GRM2: variants seen among roughly 807,000 people sequenced by gnomAD.
GRM2 encodes metabotropic glutamate receptor 2.
Under a neutral mutation model 60.4 loss-of-function variants are expected in GRM2, and 35 were observed. The observed-to-expected ratio is 0.58, with a 90% CI of 0.44 to 0.77. The LOEUF (loss-of-function observed/expected upper bound fraction) is 0.77, where lower values mean the gene tolerates loss of function less well. GRM2 is among the 30% of genes least tolerant of loss of function. The probability of loss-of-function intolerance (pLI) is 0.00; values close to 1 mark genes in which losing one functional copy is unlikely to be tolerated. For missense variants in GRM2, 925 were observed against 1,199.5 expected (o/e 0.77, Z 3.38); for synonymous variants, 437 against 484.1 (o/e 0.90, Z 1.28).
Position 51,716,159 on chromosome 3 carries a change from TC to T in GRM2, c.2364+23del. 2.0e-6 allele frequency: 3 copies of T among 1,489,702 alleles called. No individual in the cohort carries two copies. The highest frequency in any genetic ancestry group is 2.8e-6 in the Non-Finnish European group (3 of 1,067,402). The allele number at this position is 1,489,702 out of a possible 1,614,324, so 92.3% of individuals were successfully genotyped here. A position where few individuals can be genotyped will look rare whatever the true frequency, so the allele number is the denominator to read the frequency against. On this transcript the variant is annotated intron_variant, in intron 4 of 5. Transcript: ENST00000395052. The surrounding 1 kb of genome is among the most constrained non-coding windows in gnomAD (Gnocchi z 4.0). ...CCGGGTGAGCTACCTGCCACAGAGG[TC>T]GGGGGAGATGGGACACCAGACCCTC...
In GRM2 at chr3:51,717,070, A is replaced by G. The variant is rs144383184; in HGVS notation, c.2365-567A>G. Among the ~76,000 whole-genome samples, 19 of 152,110 alleles carry G rather than the reference A, an allele frequency of 1.2e-4. No homozygotes were observed. The highest frequency in any genetic ancestry group is 4.6e-4 in the African/African-American group (19 of 41,470). On this transcript the variant is annotated intron_variant, in intron 4 of 5. Coordinates refer to ENST00000395052, the MANE Select transcript of GRM2 (RefSeq NM_000839.5). The surrounding 1 kb of genome is among the most constrained non-coding windows in gnomAD (Gnocchi z 6.0). ...TATGATTTGCATTTGCATGCCAATCACAGGCAGCTAAGGACTCACCTGAGA... is the reference window on the plus strand; with the variant it reads ...TATGATTTGCATTTGCATGCCAATCGCAGGCAGCTAAGGACTCACCTGAGA...
Position 51,715,520 on chromosome 3 carries a change from C to G in GRM2, c.1747C>G (p.Leu583Val), listed in dbSNP as rs771740410. The G allele has an allele frequency of 6.2e-7, 1 of 1,613,514 alleles. No individual in the cohort carries two copies. ...TIACLGALAT[L>V]FVLGVFVRHN... is the part of the protein sequence containing the mutation. ...CGCCTGCCTCGGTGCCCTGGCCACC[C>G]TCTTTGTGCTGGGTGTCTTTGTGCG... The change falls in exon 4 of 6, where the codon CTC becomes GTC. Residue 583 changes from leucine to valine, a missense_variant. By Grantham distance (32) the Leu-to-Val change is conservative. Transcript: ENST00000395052. The surrounding 1 kb of genome is among the most constrained non-coding windows in gnomAD (Gnocchi z 9.0).
chr3:51,717,851 C>T lies in GRM2; in HGVS notation c.2545+34C>T. 1.3e-6 allele frequency: 2 copies of T among 1,594,634 alleles called. No individual in the cohort carries two copies. The highest frequency in any genetic ancestry group is 2.2e-5 in the South Asian group (2 of 90,468). On this transcript the variant is annotated intron_variant, in intron 5 of 5. Coordinates refer to ENST00000395052, the MANE Select transcript of GRM2 (RefSeq NM_000839.5). The surrounding 1 kb of genome is among the most constrained non-coding windows in gnomAD (Gnocchi z 6.0). The stretch of plus-strand genomic sequence containing the variant: ...CCTAAGCAGCCCTCTCTGCCTGTTC[C>T]CCTCTCCCTGTCCAGCTCCTTGGGT...
chr3:51,717,906 G>GC lies in GRM2; in HGVS notation c.2545+95dup, dbSNP rs1169332169. On this transcript the variant is annotated intron_variant, in intron 5 of 5. Transcript: ENST00000395052. This position sits in a 1 kb window ranked among gnomAD's most constrained non-coding sequence, Gnocchi z 6.0. ...GAGATCTCTTGTCTGGGGGTGAGGT[G>GC]CCCCCCAAATGACACTGGCAGGAGA... The GC allele has an allele frequency of 5.7e-5, 82 of 1,444,640 alleles. No homozygotes were observed. The highest frequency in any genetic ancestry group is 1.8e-4 in the Middle Eastern group (1 of 5,578). 89.5% of individuals were successfully genotyped at this position (1,444,640 alleles called of 1,614,324 possible).
At chr3:51,711,108 C>T (rs960265298) in intron 2 of GRM2, among the ~76,000 whole-genome samples, 1 of 152,210 alleles carries the variant, frequency 6.6e-6, no homozygotes, top group African/African-American at 2.4e-5. Flanking sequence ...GTCGGGGAGG[C>T]CTGGCCACTC....
In GRM2 at chr3:51,715,211, C is replaced by T; in HGVS notation, c.1438C>T (p.Leu480=). ...KVGYWAEGLT[L]DTSLIPWASP... is the part of the protein sequence containing the mutation. ...GGGCTACTGGGCAGAAGGCTTGACT[C>T]TGGACACCAGCCTCATCCCATGGGC... The change falls in exon 4 of 6, where the codon CTG becomes TTG. Residue 480 remains leucine (L), a synonymous_variant. Coordinates refer to ENST00000395052, the MANE Select transcript of GRM2 (RefSeq NM_000839.5). The surrounding 1 kb of genome is among the most constrained non-coding windows in gnomAD (Gnocchi z 9.0). 6.2e-7 allele frequency: 1 copy of T among 1,613,886 alleles called. No homozygotes were observed. Among genetic ancestry groups the T allele is most frequent in the Non-Finnish European group, 8.5e-7 (1 of 1,179,822 alleles).
chr3:51,710,914 G>A (rs1344417914), intron 2 of GRM2, among the ~76,000 whole-genome samples: 1 of 152,250 alleles, frequency 6.6e-6, no homozygotes, highest in African/African-American at 2.4e-5. Context: ...AGATGCGGCT[G>A]GAGCTAGAAT....
In GRM2 at chr3:51,712,223, G is replaced by A. The variant is rs113426529; in HGVS notation, c.451-250G>A. 0.013 allele frequency among the ~76,000 whole-genome samples: 2,032 copies of A among 152,254 alleles called. 22 individuals carry two copies. Among genetic ancestry groups the A allele is most frequent in the South Asian group, 0.024 (117 of 4,818 alleles). On this transcript the variant is annotated intron_variant, in intron 2 of 5. Transcript: ENST00000395052. The surrounding 1 kb of genome is among the most constrained non-coding windows in gnomAD (Gnocchi z 5.3). ...TGTGTCTAAAAGGGGATGGCAGAGGGGATCAGGTGTGGCTCATGACCCTGG... is the reference window on the plus strand; with the variant it reads ...TGTGTCTAAAAGGGGATGGCAGAGGAGATCAGGTGTGGCTCATGACCCTGG...
At chr3:51,714,768 T>G in intron 3 of GRM2, 2 of 309,484 alleles carry the variant, frequency 6.5e-6, no homozygotes, top group Non-Finnish European at 5.9e-6. Context: ...GGAGTCATGG[T>G]TGGGGATTGA....
At chr3:51,710,681 G>A (rs569415969) in intron 2 of GRM2, among the ~76,000 whole-genome samples, 1 of 150,810 alleles carries the variant, frequency 6.6e-6, no homozygotes, top group East Asian at 2.0e-4. Flanking sequence ...ATTTGAGGGG[G>A]TGGGAAGGGT....
chr3:51,714,827 C>T (rs2107115228), intron 3 of GRM2: 2 of 414,934 alleles, frequency 4.8e-6, no homozygotes, highest in East Asian at 7.3e-5. Flanking sequence ...GCTGGGATTA[C>T]ATTTGGCATT....
At chr3:51,711,070 G>T (rs1158984888) in intron 2 of GRM2, among the ~76,000 whole-genome samples, 1 of 152,232 alleles carries the variant, frequency 6.6e-6, no homozygotes, top group East Asian at 1.9e-4. Flanking sequence ...AGAAATCAGA[G>T]AACCCTGGAG....
Position 51,715,035 on chromosome 3 carries a change from T to G in GRM2, c.1289-27T>G. ...ATCAGGGTAACACACTAGTCCAACC[T>G]TCTCTTCCTTCCCTCCCCCATCCTA... is the stretch of plus-strand genomic sequence containing the variant. On this transcript the variant is annotated intron_variant, in intron 3 of 5. Coordinates refer to ENST00000395052, the MANE Select transcript of GRM2 (RefSeq NM_000839.5). The surrounding 1 kb of genome is among the most constrained non-coding windows in gnomAD (Gnocchi z 9.0). 1 of 1,431,088 alleles carries G rather than the reference T, an allele frequency of 7.0e-7. No homozygotes were observed. The highest frequency in any genetic ancestry group is 1.3e-5 in the South Asian group (1 of 75,654). The allele number at this position is 1,431,088 out of a possible 1,614,324, so 88.6% of individuals were successfully genotyped here.
rs1339361718 is a variant in GRM2 at position 51,716,122 on chromosome 3, C to T, written c.2349C>T (p.Thr783=). 1 of 1,608,390 alleles carries T rather than the reference C, an allele frequency of 6.2e-7. No homozygotes were observed. Among genetic ancestry groups the T allele is most frequent in the South Asian group, 1.1e-5 (1 of 90,988 alleles). Residue 783 remains threonine, a synonymous_variant, in exon 4 of 6, where the codon ACC becomes ACT. Transcript: ENST00000395052. This position sits in a 1 kb window ranked among gnomAD's most constrained non-coding sequence, Gnocchi z 4.0. ...CATTCCTGCCCATCTTCTATGTCAC[C>T]TCCAGTGACTACCGGGTGAGCTACC... ...WLAFLPIFYV[T]SSDYRVQTTT...
In GRM2 at chr3:51,709,550, C is replaced by T; in HGVS notation, c.450+117C>T. The T allele has an allele frequency of 9.9e-6, 7 of 704,444 alleles. 1 individual carries two copies. The highest frequency in any genetic ancestry group is 4.1e-5 in the South Asian group (2 of 49,126). 43.6% of individuals were successfully genotyped at this position (704,444 alleles called of 1,614,324 possible). A position where few individuals can be genotyped will look rare whatever the true frequency, so the allele number is the denominator to read the frequency against. On this transcript the variant is annotated intron_variant, in intron 2 of 5. Coordinates refer to ENST00000395052, the MANE Select transcript of GRM2 (RefSeq NM_000839.5). ...GAATTGGAAGGGAAACTAGAAGCTT[C>T]CTTGCAGTAGCTTTTACAGAAGCTA...
intron 2 of GRM2, among the ~76,000 whole-genome samples, chr3:51,710,828 G>A (rs919762901): frequency 6.6e-6 from 1 of 152,210 alleles, no homozygotes; most frequent in African/African-American, 2.4e-5. Context: ...GCCCAGCTGC[G>A]ATCCTCCCAT....
Position 51,712,421 on chromosome 3 carries a change from C to A in GRM2, c.451-52C>A. ...TGCTAGCTGTGGGGGATGCACCTGT[C>A]TCTAGTGTTTGATCTGACCGCTGAT... On this transcript the variant is annotated intron_variant, in intron 2 of 5. Transcript: ENST00000395052. The surrounding 1 kb of genome is among the most constrained non-coding windows in gnomAD (Gnocchi z 5.3). 1.6e-6 allele frequency: 2 copies of A among 1,212,450 alleles called. No homozygotes were observed. The highest frequency in any genetic ancestry group is 2.4e-6 in the Non-Finnish European group (2 of 829,162). 75.1% of individuals were successfully genotyped at this position (1,212,450 alleles called of 1,614,324 possible).
Position 51,716,962 on chromosome 3 carries a change from G to A in GRM2, c.2365-675G>A, listed in dbSNP as rs1292265453. ...AGGGACCGCTGGGCTTGGCTGCTCT[G>A]CTTGCACCTGCTGGGCCACCTGCTT... On this transcript the variant is annotated intron_variant, in intron 4 of 5. Transcript: ENST00000395052. This position sits in a 1 kb window ranked among gnomAD's most constrained non-coding sequence, Gnocchi z 4.0. Among the ~76,000 whole-genome samples the A allele has an allele frequency of 2.6e-5, 4 of 152,182 alleles. No homozygotes were observed. Among genetic ancestry groups the A allele is most frequent in the Non-Finnish European group, 4.4e-5 (3 of 68,032 alleles).
Position 51,716,022 on chromosome 3 carries a change from G to T in GRM2, c.2249G>T (p.Arg750Leu), listed in dbSNP as rs371451244. 36 of 1,614,076 alleles carry T rather than the reference G, an allele frequency of 2.2e-5. No individual in the cohort carries two copies. Among genetic ancestry groups the T allele is most frequent in the Non-Finnish European group, 3.0e-5 (35 of 1,180,056 alleles). Residue 750 changes from arginine (R) to leucine (L), a missense_variant, in exon 4 of 6, where the codon CGC becomes CTC. Transcript: ENST00000395052. This position sits in a 1 kb window ranked among gnomAD's most constrained non-coding sequence, Gnocchi z 4.0. ...TGCACGCTTTATGCCTTCAAGACTCGCAAGTGCCCCGAAAACTTCAACGAG... is the reference window on the plus strand; with the variant it reads ...TGCACGCTTTATGCCTTCAAGACTCTCAAGTGCCCCGAAAACTTCAACGAG... Reference protein sequence around the residue: ...ALCTLYAFKTRKCPENFNEAK... With the variant: ...ALCTLYAFKTLKCPENFNEAK...
Sources: allele counts gnomAD v4.1 joint callset (sites outside exome capture counted in the v4.1 genomes callset), GRCh38; gene constraint gnomAD v4.1.1; non-coding constraint Gnocchi (gnomAD v3.1); transcripts MANE v1.5; gene names NCBI Gene and HGNC (gene_info 2026-07-23, HGNC 2026-07-21).